TP53BP1: variants seen among roughly 807,000 people sequenced by gnomAD.
The protein encoded by TP53BP1 is TP53-binding protein 1.
In TP53BP1, 61 loss-of-function variants were observed where a neutral mutation model predicts 200.8. That is an observed-to-expected ratio of 0.30 (90% CI 0.25 to 0.38). The LOEUF (loss-of-function observed/expected upper bound fraction) is 0.38. Ranked by LOEUF, TP53BP1 falls within the 10% of genes least tolerant of loss-of-function variation. The probability of loss-of-function intolerance (pLI) is 1.00; values close to 1 mark genes in which losing one functional copy is unlikely to be tolerated. For synonymous variants in TP53BP1, 822 were observed against 844.3 expected, an observed-to-expected ratio of 0.97 and a Z score of 0.46; for missense variants, 2,144 against 2,371.9, an observed-to-expected ratio of 0.90 and a Z score of 2.00.
chr15:43,448,304 T>C (rs981730461), intron 12 of TP53BP1, among the ~76,000 whole-genome samples: 5 of 152,222 alleles, frequency 3.3e-5, no homozygotes, highest in Admixed American at 6.5e-5. Flanking sequence ...CTAATTTATC[T>C]CTTTTTATAA....
chr15:43,424,263 C>A (rs1361937218), intron 18 of TP53BP1, among the ~76,000 whole-genome samples: 1 of 152,134 alleles, frequency 6.6e-6, no homozygotes, highest in Non-Finnish European at 1.5e-5. Context: ...ATTTCCCCAC[C>A]TCCTCTCCTT....
chr15:43,405,466 A>G lies in TP53BP1; in HGVS notation c.*1917T>C, dbSNP rs977473104. Reference sequence around the variant, plus strand: ...CCTTTACATTGAGAACATTTGTTGGATATGTTCATTTATTCAATAGTCATT... The same window carrying G: ...CCTTTACATTGAGAACATTTGTTGGGTATGTTCATTTATTCAATAGTCATT... On this transcript the variant is annotated 3_prime_UTR_variant, in exon 28 of 28. Coordinates refer to ENST00000382044, the MANE Select transcript of TP53BP1 (RefSeq NM_001141980.3). 8 of 564,462 alleles carry G rather than the reference A, an allele frequency of 1.4e-5. No homozygotes were observed. The highest frequency in any genetic ancestry group is 2.2e-5 in the Non-Finnish European group (7 of 317,196). 35.0% of individuals were successfully genotyped at this position (564,462 alleles called of 1,614,324 possible). A position where few individuals can be genotyped will look rare whatever the true frequency, so the allele number is the denominator to read the frequency against.
In TP53BP1 at chr15:43,407,330, T is replaced by G; in HGVS notation, c.*53A>C. ...ACACAAGACACATTTAAAACCTGGT[T>G]AAAACACAATCTCCACGATAGCAGG... is the stretch of plus-strand genomic sequence containing the variant. On this transcript the variant is annotated 3_prime_UTR_variant, in exon 28 of 28. Coordinates refer to ENST00000382044, the MANE Select transcript of TP53BP1 (RefSeq NM_001141980.3). 1.3e-6 allele frequency: 2 copies of G among 1,550,674 alleles called. No homozygotes were observed. The highest frequency in any genetic ancestry group is 1.8e-6 in the Non-Finnish European group (2 of 1,129,726).
At chr15:43,497,879 C>A (rs61351540), upstream of TP53BP1, among the ~76,000 whole-genome samples, 6 of 152,176 alleles carry the variant, frequency 3.9e-5, no homozygotes, top group African/African-American at 1.4e-4. Flanking sequence ...TATAATGGTA[C>A]ATTTATGTTA....
intron 11 of TP53BP1, among the ~76,000 whole-genome samples, chr15:43,459,880 T>G (rs2046389218): frequency 6.6e-6 from 1 of 152,090 alleles, no homozygotes; most frequent in South Asian, 2.1e-4. Flanking sequence ...TTGCCCAGAC[T>G]TGAAACTACT....
chr15:43,444,756 G>A (rs767309762), intron 14 of TP53BP1, among the ~76,000 whole-genome samples: 3 of 152,080 alleles, frequency 2.0e-5, no homozygotes, highest in Non-Finnish European at 2.9e-5. Flanking sequence ...CTGGTCTCAG[G>A]GAAGAAGAAG....
chr15:43,465,218 C>G (rs1326927990), intron 11 of TP53BP1, among the ~76,000 whole-genome samples: 1 of 151,912 alleles, frequency 6.6e-6, no homozygotes, highest in Admixed American at 6.6e-5. Context: ...GTAGACTACC[C>G]TCGAAGGGCC....
chr15:43,496,507 A>G (rs1440889238), upstream of TP53BP1, among the ~76,000 whole-genome samples: 1 of 152,180 alleles, frequency 6.6e-6, no homozygotes, highest in Non-Finnish European at 1.5e-5. Context: ...ACCAACCTTT[A>G]AAGTTGCTTC....
At chr15:43,418,370 T>C (rs1392159088) in intron 21 of TP53BP1, among the ~76,000 whole-genome samples, 1 of 145,626 alleles carries the variant, frequency 6.9e-6, no homozygotes, top group Admixed American at 6.8e-5. Flanking sequence ...GGTGTGGTGG[T>C]GCGTGCCTGT....
intron 14 of TP53BP1, among the ~76,000 whole-genome samples, chr15:43,442,815 CTTTTT>C (rs71111818): frequency 3.3e-5 from 2 of 61,004 alleles, no homozygotes; most frequent in African/African-American, 8.7e-5. Flanking sequence ...CAGTAATATT[CTTTTT>C]TTTTTTTTTT....
intron 18 of TP53BP1, 21 bp downstream of exon 18, chr15:43,427,995 C>G (rs750306258): frequency 6.8e-7 from 1 of 1,463,104 alleles, no homozygotes; most frequent in Admixed American, 2.2e-5. Context: ...ATTTGCCACA[C>G]AGACTCAGAG....
At position 43,403,875 on chromosome 15, in the gene TP53BP1, C is replaced by T. The variant is rs879187600; in HGVS notation, c.*3508G>A. 2 of 1,007,072 alleles carry T rather than the reference C, an allele frequency of 2.0e-6. No homozygotes were observed. The highest frequency in any genetic ancestry group is 3.2e-5 in the African/African-American group (2 of 63,200). The allele number at this position is 1,007,072 out of a possible 1,614,324, so 62.4% of individuals were successfully genotyped here. A position where few individuals can be genotyped will look rare whatever the true frequency, so the allele number is the denominator to read the frequency against. ...TGCCAATGGAGAATTCATGATCTTT[C>T]CTCTGAGTCAGTAAAGCATTTCCTC... is the stretch of plus-strand genomic sequence containing the variant. On this transcript the variant is annotated 3_prime_UTR_variant, in exon 28 of 28. Coordinates refer to ENST00000382044, the MANE Select transcript of TP53BP1 (RefSeq NM_001141980.3).
intron 25 of TP53BP1, 144 bp from the exon 26 acceptor site, chr15:43,409,240 A>G: frequency 2.9e-6 from 2 of 692,854 alleles, no homozygotes; most frequent in Non-Finnish European, 4.9e-6. Flanking sequence ...GCCCAAGGCC[A>G]CTCTTCTCAC....
At chr15:43,472,097 C>A (rs1231324097) in intron 10 of TP53BP1, among the ~76,000 whole-genome samples, 6 of 152,218 alleles carry the variant, frequency 3.9e-5, no homozygotes, top group East Asian at 1.9e-4. Context: ...GAGGCATATA[C>A]ATGACAGATG....
At chr15:43,415,422 G>A (rs2045240812) in intron 23 of TP53BP1, 172 bp downstream of exon 23, 2 of 733,018 alleles carry the variant, frequency 2.7e-6, no homozygotes, top group Non-Finnish European at 2.4e-6. Context: ...GGGGATGGGG[G>A]AGGAGGGATA....
intron 3 of TP53BP1, 116 bp from the exon 4 acceptor site, chr15:43,491,869 G>C (rs2079128095): frequency 9.2e-7 from 1 of 1,087,428 alleles, no homozygotes; most frequent in Non-Finnish European, 1.4e-6. Flanking sequence ...CAACTTTTGA[G>C]TGACTACTAC....
chr15:43,438,756 A>AAAAAAT (rs2045859164), intron 15 of TP53BP1, among the ~76,000 whole-genome samples: 2 of 140,504 alleles, frequency 1.4e-5, no homozygotes, highest in African/African-American at 5.3e-5. Context: ...AAAAAAAAAA[A>AAAAAAT]GACTGGAGGG....
chr15:43,504,985 A>G (rs531702624), intron 1 of TP53BP1, among the ~76,000 whole-genome samples: 2 of 152,284 alleles, frequency 1.3e-5, no homozygotes, highest in African/African-American at 4.8e-5. Flanking sequence ...GTGCCACTGC[A>G]CTCCAGTCTG....
chr15:43,477,639 C>T lies in TP53BP1; in HGVS notation c.909G>A (p.Glu303=), dbSNP rs771896747. The T allele has an allele frequency of 1.3e-5, 21 of 1,613,640 alleles. 1 individual carries two copies. Among genetic ancestry groups the T allele is most frequent in the Non-Finnish European group, 1.6e-5 (19 of 1,179,882 alleles). The change falls in exon 8 of 28, where the codon GAG becomes GAA. Residue 303 remains glutamate, a synonymous_variant. Coordinates refer to ENST00000382044, the MANE Select transcript of TP53BP1 (RefSeq NM_001141980.3). ...ACAAGTCTTCCTGAGTTGACAAAAC[C>T]TCAGGCTCTGGTGACTTCTGAATCT... ...GLQIQKSPEP[E]VLSTQEDLFD...
Sources: gnomAD v4.1 joint callset for allele counts (sites outside exome capture counted in the v4.1 genomes callset) on GRCh38, gnomAD v4.1.1 for gene constraint, MANE v1.5 for transcripts, NCBI Gene and HGNC (gene_info 2026-07-23, HGNC 2026-07-21) for gene names.